RAP2C: variants seen among roughly 807,000 people sequenced by gnomAD.
The protein encoded by RAP2C is ras-related protein Rap-2c.
A neutral mutation model predicts 8.9 loss-of-function variants in RAP2C; 3 were observed. The observed-to-expected ratio is 0.34, with a 90% CI of 0.15 to 0.87. The LOEUF is 0.87. Ranked by LOEUF, RAP2C falls within the 40% of genes least tolerant of loss-of-function variation. The probability of loss-of-function intolerance (pLI) is 0.51; values close to 1 mark genes in which losing one functional copy is unlikely to be tolerated. For missense variants in RAP2C, 76 were observed against 133.7 expected, an observed-to-expected ratio of 0.57 and a Z score of 2.13; for synonymous variants, 60 against 52.1, an observed-to-expected ratio of 1.15 and a Z score of -0.65.
At chrX:132,211,106 GGGATGAGGAAGAT>G (rs753483126) in intron 5 of RAP2C, among the ~76,000 whole-genome samples, 5 of 110,396 alleles carry the variant, frequency 4.5e-5, no homozygotes, top group Non-Finnish European at 7.6e-5. Flanking sequence ...GTCATAATGG[GGGATGAGGAAGAT>G]GCTACTGTCA....
chrX:132,216,536 G>A (rs1930589602), intron 4 of RAP2C, among the ~76,000 whole-genome samples: 1 of 106,175 alleles, frequency 9.4e-6, no homozygotes, highest in South Asian at 4.4e-4. Flanking sequence ...GGCGGCGGGA[G>A]GGGGTGTTGG....
intron 5 of RAP2C, among the ~76,000 whole-genome samples, chrX:132,209,860 T>C (rs748072039): frequency 9.8e-5 from 11 of 112,011 alleles, no homozygotes; most frequent in African/African-American, 3.6e-4. Context: ...CTGTCCACTC[T>C]CAAGTCTCAA....
At chrX:132,218,825 C>A (rs924528754) in intron 1 of RAP2C, 4 of 112,184 alleles carry the variant, frequency 3.6e-5, no homozygotes, top group Non-Finnish European at 7.5e-5. Flanking sequence ...CCAACCACTA[C>A]ACGGCAGAAA....
intron 5 of RAP2C, among the ~76,000 whole-genome samples, chrX:132,208,393 A>G (rs955406749): frequency 1.4e-4 from 15 of 111,037 alleles, no homozygotes; most frequent in African/African-American, 4.9e-4. Flanking sequence ...TAGGGATATG[A>G]TATTCTTGGG....
chrX:132,218,934 G>C lies in RAP2C; in HGVS notation c.-746+436C>G, dbSNP rs967213202. On this transcript the variant is annotated intron_variant, in intron 1 of 5. Coordinates refer to ENST00000370874, the MANE Select transcript of RAP2C (RefSeq NM_001271186.2). Reference sequence around the variant, plus strand: ...TTATGTATAACAATTTGCTTGGCTGGCTCTTACATGCTGAAGTTTTGTTTT... The same window carrying C: ...TTATGTATAACAATTTGCTTGGCTGCCTCTTACATGCTGAAGTTTTGTTTT... 1.2e-4 allele frequency: 13 copies of C among 112,449 alleles called. No individual in the cohort carries two copies. In the Admixed American group the frequency reaches 1.2e-3, roughly 11 times the overall value. The allele number at this position is 112,449 out of a possible 1,213,427, so 9.3% of individuals were successfully genotyped here.
intron 5 of RAP2C, among the ~76,000 whole-genome samples, chrX:132,209,955 T>C (rs1207753082): frequency 9.0e-6 from 1 of 111,069 alleles, no homozygotes; most frequent in African/African-American, 3.3e-5. Context: ...TTTTTCCCTT[T>C]TACCCAAGGT....
At chrX:132,211,426 G>A (rs1027489708) in intron 5 of RAP2C, among the ~76,000 whole-genome samples, 3 of 111,535 alleles carry the variant, frequency 2.7e-5, no homozygotes, top group Admixed American at 1.9e-4. Context: ...ATGCTGACCC[G>A]GGTTTCCATT....
intron 5 of RAP2C, among the ~76,000 whole-genome samples, chrX:132,206,916 G>C (rs966719215): frequency 9.0e-6 from 1 of 111,464 alleles, no homozygotes; most frequent in Non-Finnish European, 1.9e-5. Context: ...TGGCAAGTCC[G>C]GTTTCCTCAT....
chrX:132,205,609 C>T (rs189905876), intron 5 of RAP2C, 22 bp from the exon 6 acceptor site: 154 of 111,495 alleles, frequency 1.4e-3, no homozygotes, highest in African/African-American at 4.4e-3. Context: ...ATAAACATGT[C>T]ATAAAAATGT....
rs1384217732 is a variant in RAP2C at position 132,214,419 on chromosome X, C to A, written c.301G>T (p.Val101Phe). 8.3e-7 allele frequency: 1 copy of A among 1,209,189 alleles called. No individual in the cohort carries two copies. Among genetic ancestry groups the A allele is most frequent in the African/African-American group, 1.7e-5 (1 of 57,159 alleles). The change falls in exon 5 of 6, where the codon GTC becomes TTC. Residue 101 changes from valine to phenylalanine, a missense_variant. Val to Phe is a conservative substitution (Grantham distance 50, BLOSUM62 -1). Coordinates refer to ENST00000370874, the MANE Select transcript of RAP2C (RefSeq NM_001271186.2). ...QDIKPMRDQI[V>F]RVKRYEKVPL... ...ACTTTTTCATATCTCTTCACTCTGA[C>A]AATTTGATCTCTCATTGGCTTGATA... is the stretch of plus-strand genomic sequence containing the variant.
intron 5 of RAP2C, among the ~76,000 whole-genome samples, chrX:132,211,611 C>T (rs948812669): frequency 3.6e-5 from 4 of 111,524 alleles, no homozygotes; most frequent in African/African-American, 1.3e-4. Context: ...TCCTGGGAGC[C>T]ACGCAGATAA....
intron 4 of RAP2C, among the ~76,000 whole-genome samples, chrX:132,215,765 T>C (rs1366411425): frequency 8.9e-6 from 1 of 112,017 alleles, no homozygotes; most frequent in Admixed American, 9.4e-5. Context: ...GCACCTTCAG[T>C]ACTTTGGTAC....
chrX:132,214,255 T>C lies in RAP2C; in HGVS notation c.465A>G (p.Glu155=). The change falls in exon 5 of 6, where the codon GAA becomes GAG. Residue 155 remains glutamate (E), a synonymous_variant. Coordinates refer to ENST00000370874, the MANE Select transcript of RAP2C (RefSeq NM_001271186.2). The stretch of plus-strand genomic sequence containing the variant: ...TTTGCCTGACGATCTCAGCAAAAAG[T>C]TCATCCACCATTGATTTACTTTTTG... ...TSAKSKSMVD[E]LFAEIVRQMN... 1 of 1,211,855 alleles carries C rather than the reference T, an allele frequency of 8.3e-7. No individual in the cohort carries two copies. Among genetic ancestry groups the C allele is most frequent in the Non-Finnish European group, 1.1e-6 (1 of 895,498 alleles).
intron 5 of RAP2C, among the ~76,000 whole-genome samples, chrX:132,208,881 G>A (rs2124134012): frequency 9.0e-6 from 1 of 110,987 alleles, no homozygotes; most frequent in African/African-American, 3.3e-5. Flanking sequence ...AGCCCAGGCT[G>A]GTCTCGAACT....
chrX:132,210,159 C>T, intron 5 of RAP2C, among the ~76,000 whole-genome samples: 1 of 111,443 alleles, frequency 9.0e-6, no homozygotes, highest in Non-Finnish European at 1.9e-5. Context: ...ACTATAACTT[C>T]TACAACAGAA....
At chrX:132,210,005 T>C in intron 5 of RAP2C, among the ~76,000 whole-genome samples, 1 of 111,786 alleles carries the variant, frequency 8.9e-6, no homozygotes, top group Non-Finnish European at 1.9e-5. Flanking sequence ...CCCCAAAGCA[T>C]GCTTCTTCTT....
intron 4 of RAP2C, 35 bp downstream of exon 4, chrX:132,216,961 C>G (rs1237846723): frequency 9.1e-7 from 1 of 1,104,076 alleles, no homozygotes; most frequent in African/African-American, 1.9e-5. Context: ...TTACCACACC[C>G]CCTTCTAACA....
At chrX:132,212,870 T>C (rs1421670020) in intron 5 of RAP2C, among the ~76,000 whole-genome samples, 2 of 112,470 alleles carry the variant, frequency 1.8e-5, no homozygotes, top group Non-Finnish European at 3.8e-5. Flanking sequence ...TAGATGTAGC[T>C]AGACATAAGA....
At position 132,217,468 on chromosome X, in the gene RAP2C, A is replaced by T; in HGVS notation, c.-200T>A. 3 of 264,424 alleles carry T rather than the reference A, an allele frequency of 1.1e-5. No individual in the cohort carries two copies. Among genetic ancestry groups the T allele is most frequent in the Non-Finnish European group, 1.3e-5 (2 of 149,137 alleles). The allele number at this position is 264,424 out of a possible 1,213,427, so 21.8% of individuals were successfully genotyped here. A position where few individuals can be genotyped will look rare whatever the true frequency, so the allele number is the denominator to read the frequency against. ...AGCGTAGAGTCGGGGAGGGTGGGGAAGGGATGGTAATGCCCTTCCTATAGG... is the reference window on the plus strand; with the variant it reads ...AGCGTAGAGTCGGGGAGGGTGGGGATGGGATGGTAATGCCCTTCCTATAGG... On this transcript the variant is annotated 5_prime_UTR_variant, in exon 4 of 6. Coordinates refer to ENST00000370874, the MANE Select transcript of RAP2C (RefSeq NM_001271186.2).
Sources: gnomAD v4.1 joint callset for allele counts (sites outside exome capture counted in the v4.1 genomes callset) on GRCh38, gnomAD v4.1.1 for gene constraint, MANE v1.5 for transcripts, NCBI Gene and HGNC (gene_info 2026-07-23, HGNC 2026-07-21) for gene names.